IL7: variants seen among roughly 807,000 people sequenced by gnomAD.
The protein encoded by IL7 is interleukin 7, also known as interleukin-7.
IL7 carries 3 observed loss-of-function variants against 21.6 expected under a neutral mutation model. That is an observed-to-expected ratio of 0.14 (90% CI 0.06 to 0.36). The LOEUF is 0.36. Among genes scored for constraint, IL7 ranks in the 10% least tolerant of loss-of-function variants. The pLI is 1.00. For synonymous variants in IL7, 62 were observed against 68.1 expected (o/e 0.91, Z 0.44); for missense variants, 175 against 200.2 (o/e 0.87, Z 0.76).
Position 78,761,233 on chromosome 8 carries a change from A to C in IL7, c.148-21151T>G, listed in dbSNP as rs1294129067. The C allele has an allele frequency of 2.4e-5, 39 of 1,602,088 alleles. No homozygotes were observed. The South Asian group carries it at 2.7e-4, about 11-fold the overall frequency. On this transcript the variant is annotated intron_variant, in intron 2 of 5. Coordinates refer to ENST00000263851, the MANE Select transcript of IL7 (RefSeq NM_000880.4). ...CAGAAATTACGTTGTCAAGTTCTAA[A>C]AGCAGTTGTGGTGATCGATGGAAAA...
At chr8:78,798,278 G>A (rs1175672695) in intron 1 of IL7, 70 bp from the exon 2 acceptor site, 4 of 1,032,400 alleles carry the variant, frequency 3.9e-6, no homozygotes, top group African/African-American at 3.2e-5. Flanking sequence ...GGGTTTCAAT[G>A]GACTGGACCA....
chr8:78,762,838 T>G (rs1162940435), intron 2 of IL7, among the ~76,000 whole-genome samples: 1 of 152,214 alleles, frequency 6.6e-6, no homozygotes, highest in African/African-American at 2.4e-5. Context: ...TGAATTTTCA[T>G]ATTTCTCATG....
intron 5 of IL7, among the ~76,000 whole-genome samples, chr8:78,736,230 TA>T (rs3071812): frequency 0.11 from 15,727 of 146,282 alleles, 1,022 homozygotes; most frequent in African/African-American, 0.18. Context: ...CTGCTTCTTC[TA>T]AAAAAAAAAA....
rs1249233656 is a variant in IL7 at position 78,733,226 on chromosome 8, A to G, written c.*487T>C. On this transcript the variant is annotated 3_prime_UTR_variant, in exon 6 of 6. Transcript: ENST00000263851. ...TCTCTTATTCTCACCGGCATTATCCATATATCATTGTTAACTCTAAAACAT... is the reference window on the plus strand; with the variant it reads ...TCTCTTATTCTCACCGGCATTATCCGTATATCATTGTTAACTCTAAAACAT... The G allele has an allele frequency of 6.6e-6, 1 of 152,658 alleles. No individual in the cohort carries two copies. The highest frequency in any genetic ancestry group is 1.9e-4 in the East Asian group (1 of 5,210). 9.5% of individuals were successfully genotyped at this position (152,658 alleles called of 1,614,324 possible).
chr8:78,800,085 C>A (rs1368891546), intron 1 of IL7, among the ~76,000 whole-genome samples: 2 of 152,232 alleles, frequency 1.3e-5, no homozygotes, highest in East Asian at 3.9e-4. Flanking sequence ...TACTCTCCCA[C>A]CTTTCAAAGT....
In IL7 at chr8:78,733,851, A is replaced by G; in HGVS notation, c.415-19T>C. 1 of 1,464,368 alleles carries G rather than the reference A, an allele frequency of 6.8e-7. No homozygotes were observed. The highest frequency in any genetic ancestry group is 9.1e-7 in the Non-Finnish European group (1 of 1,095,432). 90.7% of individuals were successfully genotyped at this position (1,464,368 alleles called of 1,614,324 possible). A position where few individuals can be genotyped will look rare whatever the true frequency, so the allele number is the denominator to read the frequency against. ...TTTCTTCCTAGAGAATAGAGTTTTA[A>G]AAGTTTAAACTTCACATTTTTACAA... is the stretch of plus-strand genomic sequence containing the variant. On this transcript the variant is annotated intron_variant, in intron 5 of 5. Coordinates refer to ENST00000263851, the MANE Select transcript of IL7 (RefSeq NM_000880.4).
chr8:78,768,880 A>G (rs570674335), intron 2 of IL7, among the ~76,000 whole-genome samples: 57 of 152,296 alleles, frequency 3.7e-4, no homozygotes, highest in African/African-American at 1.3e-3. Context: ...CTGGTTCAAT[A>G]TACGCAAATC....
chr8:78,744,365 C>A (rs889655995), intron 2 of IL7, among the ~76,000 whole-genome samples: 1 of 152,126 alleles, frequency 6.6e-6, no homozygotes, highest in African/African-American at 2.4e-5. Flanking sequence ...AGTCTGGCCA[C>A]GTGTTGGTAG....
chr8:78,801,409 A>T (rs1290383480), intron 1 of IL7, among the ~76,000 whole-genome samples: 1 of 152,154 alleles, frequency 6.6e-6, no homozygotes, highest in African/African-American at 2.4e-5. Flanking sequence ...ATCATATTTG[A>T]GGACCAAAAA....
intron 2 of IL7, among the ~76,000 whole-genome samples, chr8:78,768,862 A>G (rs1019359347): frequency 6.6e-6 from 1 of 152,176 alleles, no homozygotes; most frequent in Non-Finnish European, 1.5e-5. Flanking sequence ...CATCCCTGGG[A>G]TGCAAGGCTG....
intron 3 of IL7, among the ~76,000 whole-genome samples, chr8:78,690,115 G>A (rs1810158576): frequency 1.3e-5 from 2 of 152,190 alleles, no homozygotes; most frequent in South Asian, 4.1e-4. Flanking sequence ...GAATATAAAT[G>A]TATGGGTTTA....
At chr8:78,801,010 C>T (rs11998154) in intron 1 of IL7, among the ~76,000 whole-genome samples, 15,533 of 152,100 alleles carry the variant, frequency 0.1, 856 homozygotes, top group Middle Eastern at 0.14. Flanking sequence ...ATTTATTCAC[C>T]GGATGGCATT....
Position 78,733,471 on chromosome 8 carries a change from A to T in IL7, c.*242T>A. On this transcript the variant is annotated 3_prime_UTR_variant, in exon 6 of 6. Transcript: ENST00000263851. ...GTCTTACAAAAATCAGTACAGAATT[A>T]TACTGATTGATAAATGTTCACATAT... The T allele has an allele frequency of 2.7e-6, 1 of 375,350 alleles. No individual in the cohort carries two copies. Among genetic ancestry groups the T allele is most frequent in the Non-Finnish European group, 4.8e-6 (1 of 209,422 alleles). 23.3% of individuals were successfully genotyped at this position (375,350 alleles called of 1,614,324 possible). A position where few individuals can be genotyped will look rare whatever the true frequency, so the allele number is the denominator to read the frequency against.
At chr8:78,773,388 A>T (rs899016178) in intron 2 of IL7, among the ~76,000 whole-genome samples, 3 of 152,158 alleles carry the variant, frequency 2.0e-5, no homozygotes, top group Non-Finnish European at 4.4e-5. Context: ...AACGAACGGT[A>T]TTGAACAAAG....
intron 3 of IL7, among the ~76,000 whole-genome samples, chr8:78,711,682 A>AT (rs558105997): frequency 5.3e-4 from 79 of 150,228 alleles, no homozygotes; most frequent in African/African-American, 1.2e-3. Context: ...TAGCTTCATG[A>AT]TTTTTTTTTT....
intron 2 of IL7, among the ~76,000 whole-genome samples, chr8:78,757,600 A>T (rs997148997): frequency 2.0e-5 from 3 of 151,954 alleles, no homozygotes; most frequent in Non-Finnish European, 4.4e-5. Flanking sequence ...TACAATTGTT[A>T]TATCCTGTTA....
chr8:78,764,565 C>A (rs1812688712), intron 2 of IL7, among the ~76,000 whole-genome samples: 1 of 151,866 alleles, frequency 6.6e-6, no homozygotes, highest in Non-Finnish European at 1.5e-5. Context: ...ATTAAAAACC[C>A]ATTGCCACTT....
chr8:78,708,767 G>T (rs1001941927), intron 3 of IL7, among the ~76,000 whole-genome samples: 3 of 148,600 alleles, frequency 2.0e-5, no homozygotes, highest in African/African-American at 7.5e-5. Flanking sequence ...CGTAACCTCC[G>T]CCTCCTGGAT....
intron 2 of IL7, among the ~76,000 whole-genome samples, chr8:78,784,948 A>G (rs921615818): frequency 1.3e-5 from 2 of 151,988 alleles, no homozygotes; most frequent in African/African-American, 4.8e-5. Flanking sequence ...CTGCCTGTGC[A>G]CTTTATATTT....
Sources: gnomAD v4.1 joint callset for allele counts (sites outside exome capture counted in the v4.1 genomes callset) on GRCh38, gnomAD v4.1.1 for gene constraint, MANE v1.5 for transcripts, NCBI Gene and HGNC (gene_info 2026-07-23, HGNC 2026-07-21) for gene names.